CNTNAP5: variants seen among roughly 807,000 people sequenced by gnomAD.
CNTNAP5 encodes contactin-associated protein-like 5.
In CNTNAP5, 72 loss-of-function variants were observed where a neutral mutation model predicts 150.2. The ratio of observed to expected loss-of-function variants is 0.48; its 90% CI spans 0.40 to 0.58. CNTNAP5 has a LOEUF of 0.58. Ranked by LOEUF, CNTNAP5 falls within the 20% of genes least tolerant of loss-of-function variation. The pLI, the probability that CNTNAP5 is intolerant of heterozygous loss-of-function variation, is 0.00. For missense variants in CNTNAP5, 1,636 were observed against 1,626.2 expected (o/e 1.01, Z -0.10); for synonymous variants, 672 against 619.8 (o/e 1.08, Z -1.25).
In CNTNAP5 at chr2:124,221,716, G is replaced by C. The variant is rs1212017963; in HGVS notation, c.94G>C (p.Asp32His). 6.2e-7 allele frequency: 1 copy of C among 1,608,220 alleles called. No homozygotes were observed. Among genetic ancestry groups the C allele is most frequent in the Non-Finnish European group, 8.5e-7 (1 of 1,176,084 alleles). The part of the protein sequence containing the change: ...GLTATNYNCD[D>H]PLASLLSPMA... ...TCCTATCATTATAGACAACTGTGAT[G>C]ATCCACTAGCATCCCTGCTCTCTCC... The change falls in exon 2 of 24, where the codon GAT becomes CAT. Residue 32 changes from aspartate (D) to histidine (H), a missense_variant. Physicochemically the swap from Asp to His is moderately conservative, Grantham distance 81 (BLOSUM62 -1). Transcript: ENST00000682447.
chr2:124,697,254 G>T (rs569478674), intron 13 of CNTNAP5, among the ~76,000 whole-genome samples: 1 of 152,080 alleles, frequency 6.6e-6, no homozygotes, highest in Non-Finnish European at 1.5e-5. Flanking sequence ...TTGATAAATG[G>T]TCATTAACTG....
intron 3 of CNTNAP5, among the ~76,000 whole-genome samples, chr2:124,362,574 T>A (rs560844431): frequency 4.6e-5 from 7 of 152,368 alleles, no homozygotes; most frequent in Non-Finnish European, 8.8e-5. Flanking sequence ...AGCTTCTCTA[T>A]CATGGATGTC....
intron 8 of CNTNAP5, among the ~76,000 whole-genome samples, chr2:124,510,267 A>ATATATC (rs1486761461): frequency 1.6e-5 from 2 of 121,888 alleles, no homozygotes; most frequent in Non-Finnish European, 3.1e-5. Flanking sequence ...CTATATATCT[A>ATATATC]TATATCTATA....
intron 5 of CNTNAP5, among the ~76,000 whole-genome samples, chr2:124,442,494 A>G (rs1305261339): frequency 6.6e-6 from 1 of 152,216 alleles, no homozygotes; most frequent in Non-Finnish European, 1.5e-5. Context: ...TGGAATTTAG[A>G]CAATTGGTAG....
At chr2:124,261,619 C>T (rs916799885) in intron 3 of CNTNAP5, among the ~76,000 whole-genome samples, 1 of 152,162 alleles carries the variant, frequency 6.6e-6, no homozygotes, top group Non-Finnish European at 1.5e-5. Context: ...TGGGAGCCCT[C>T]CTCCTCAGGA....
intron 2 of CNTNAP5, among the ~76,000 whole-genome samples, chr2:124,238,936 G>T (rs1331369105): frequency 6.6e-6 from 1 of 152,168 alleles, no homozygotes; most frequent in Non-Finnish European, 1.5e-5. Flanking sequence ...AATGCGGGGA[G>T]CATCTTCAAC....
intron 11 of CNTNAP5, among the ~76,000 whole-genome samples, chr2:124,580,948 G>A (rs1235674907): frequency 6.6e-6 from 1 of 152,194 alleles, no homozygotes; most frequent in Non-Finnish European, 1.5e-5. Flanking sequence ...GCAGGTATTT[G>A]CATAATGTGT....
At position 124,864,742 on chromosome 2, in the gene CNTNAP5, C is replaced by T. The variant is rs374142268; in HGVS notation, c.3218-564C>T. ...GAATAGCTAACAGCTGTTTGAAAAA[C>T]GCAGTCCTAATAAAATTTGAATGTT... On this transcript the variant is annotated intron_variant, in intron 19 of 23. Transcript: ENST00000682447. Among the ~76,000 whole-genome samples the T allele has an allele frequency of 5.5e-4, 83 of 152,240 alleles. 2 individuals carry two copies. The highest frequency in any genetic ancestry group is 3.4e-3 in the Middle Eastern group (1 of 294).
In CNTNAP5 at chr2:124,609,666, T is replaced by G; in HGVS notation, c.1757-135T>G. The stretch of plus-strand genomic sequence containing the variant: ...GCCACTGGTACTGGTGTGTTAAGGC[T>G]TGGGGAAAAAGTCAAGGATATAGAA... On this transcript the variant is annotated intron_variant, in intron 11 of 23. Coordinates refer to ENST00000682447, the MANE Select transcript of CNTNAP5 (RefSeq NM_001367498.1). 3.3e-6 allele frequency: 3 copies of G among 903,590 alleles called. No individual in the cohort carries two copies. In the South Asian group the frequency reaches 6.1e-5, roughly 18 times the overall value. The allele number at this position is 903,590 out of a possible 1,614,324, so 56.0% of individuals were successfully genotyped here.
chr2:124,542,051 T>C (rs771076446), intron 10 of CNTNAP5, among the ~76,000 whole-genome samples: 14 of 151,874 alleles, frequency 9.2e-5, no homozygotes, highest in Non-Finnish European at 2.1e-4. Flanking sequence ...CATATATCTC[T>C]CCCACCTCCC....
At chr2:124,441,249 G>T (rs1379792373) in intron 5 of CNTNAP5, among the ~76,000 whole-genome samples, 1 of 151,990 alleles carries the variant, frequency 6.6e-6, no homozygotes, top group Non-Finnish European at 1.5e-5. Flanking sequence ...ATTCCCAAGA[G>T]ACTCAATAAT....
intron 12 of CNTNAP5, among the ~76,000 whole-genome samples, chr2:124,631,548 C>T (rs1266552332): frequency 1.3e-5 from 2 of 152,126 alleles, no homozygotes; most frequent in Non-Finnish European, 2.9e-5. Context: ...AGATCCCTTC[C>T]TTACACCTTA....
At chr2:124,317,385 T>C (rs1466429613) in intron 3 of CNTNAP5, among the ~76,000 whole-genome samples, 2 of 152,118 alleles carry the variant, frequency 1.3e-5, no homozygotes, top group Admixed American at 6.6e-5. Flanking sequence ...AGCTTTTAAG[T>C]AGAAAAGCTA....
At chr2:124,459,233 C>T (rs1467634300) in intron 6 of CNTNAP5, among the ~76,000 whole-genome samples, 3 of 152,188 alleles carry the variant, frequency 2.0e-5, no homozygotes, top group Non-Finnish European at 4.4e-5. Flanking sequence ...CAGCCACAGG[C>T]TTGCACCGCA....
intron 3 of CNTNAP5, among the ~76,000 whole-genome samples, chr2:124,398,807 C>A (rs141100060): frequency 6.6e-6 from 1 of 152,110 alleles, no homozygotes; most frequent in African/African-American, 2.4e-5. Context: ...GTAATGAACT[C>A]GCTTGTCAGA....
intron 5 of CNTNAP5, among the ~76,000 whole-genome samples, chr2:124,437,709 G>A (rs1332944019): frequency 6.6e-6 from 1 of 152,132 alleles, no homozygotes; most frequent in East Asian, 1.9e-4. Context: ...AGGGGAAAGG[G>A]TTTATAACAT....
chr2:124,742,128 T>C (rs79339476), intron 13 of CNTNAP5, among the ~76,000 whole-genome samples: 5,549 of 152,232 alleles, frequency 0.036, 361 homozygotes, highest in African/African-American at 0.13. Context: ...GCTCACTGTG[T>C]TGAAATGACT....
rs186714362 is a variant in CNTNAP5 at position 124,822,614 on chromosome 2, G to A, written c.3217+24294G>A. ...TCTTTAAATAAAGTAAAAAAACAAG[G>A]CTGCAGACAATGAAATGAGAGAAAC... On this transcript the variant is annotated intron_variant, in intron 19 of 23. Coordinates refer to ENST00000682447, the MANE Select transcript of CNTNAP5 (RefSeq NM_001367498.1). Among the ~76,000 whole-genome samples the A allele has an allele frequency of 3.9e-3, 593 of 152,172 alleles. 4 individuals carry two copies. Among genetic ancestry groups the A allele is most frequent in the African/African-American group, 0.014 (575 of 41,516 alleles).
At chr2:124,647,396 A>C (rs1678224900) in intron 12 of CNTNAP5, among the ~76,000 whole-genome samples, 1 of 109,580 alleles carries the variant, frequency 9.1e-6, no homozygotes, top group Admixed American at 8.5e-5. Flanking sequence ...TTAGTCACTT[A>C]TTAACTGTGG....
Sources: gnomAD v4.1 joint callset for allele counts (sites outside exome capture counted in the v4.1 genomes callset) on GRCh38, gnomAD v4.1.1 for gene constraint, MANE v1.5 for transcripts, NCBI Gene and HGNC (gene_info 2026-07-23, HGNC 2026-07-21) for gene names.